Variants in MOCOS observed in about 807,000 individuals in gnomAD.
The protein encoded by MOCOS is molybdenum cofactor sulfurase.
Under a neutral mutation model 83.6 loss-of-function variants are expected in MOCOS, and 86 were observed. That is an observed-to-expected ratio of 1.03 (90% confidence interval 0.86 to 1.23). MOCOS has a LOEUF of 1.23. Among genes scored for constraint, MOCOS ranks in the 50% most tolerant of loss-of-function variants. The pLI is 0.00. For missense variants in MOCOS, 1,120 were observed against 1,126.9 expected (o/e 0.99, Z 0.09); for synonymous variants, 445 against 434.7 (o/e 1.02, Z -0.29).
At chr18:36,243,734 C>T (rs560956633) in intron 9 of MOCOS, among the ~76,000 whole-genome samples, 45 of 152,236 alleles carry the variant, frequency 3.0e-4, no homozygotes, top group Admixed American at 1.2e-3. Flanking sequence ...AGCTGTGAAT[C>T]CATCTGGTCC....
intron 9 of MOCOS, among the ~76,000 whole-genome samples, chr18:36,234,379 A>G (rs1049817558): frequency 1.3e-5 from 2 of 152,042 alleles, no homozygotes; most frequent in South Asian, 2.1e-4. Context: ...ATTCTGTTCC[A>G]TTGGTCTGTG....
At chr18:36,204,780 C>T (rs946132583) in intron 5 of MOCOS, among the ~76,000 whole-genome samples, 29 of 151,984 alleles carry the variant, frequency 1.9e-4, no homozygotes, top group African/African-American at 7.0e-4. Flanking sequence ...ATTACTTGAG[C>T]CCAGGAGCTC....
chr18:36,268,415 C>T, intron 14 of MOCOS, 118 bp from the exon 15 acceptor site: 1 of 1,252,052 alleles, frequency 8.0e-7, no homozygotes, highest in Non-Finnish European at 1.1e-6. Flanking sequence ...GATATCAAGT[C>T]TCAGTATATG....
At chr18:36,262,788 C>T (rs545112261) in intron 13 of MOCOS, among the ~76,000 whole-genome samples, 31 of 152,340 alleles carry the variant, frequency 2.0e-4, no homozygotes, top group African/African-American at 2.6e-4. Context: ...TAGGCCACCA[C>T]GCTTGGCAAT....
At chr18:36,238,966 T>C (rs1197816805) in intron 9 of MOCOS, among the ~76,000 whole-genome samples, 1 of 151,640 alleles carries the variant, frequency 6.6e-6, no homozygotes, top group Non-Finnish European at 1.5e-5. Flanking sequence ...CCCCTGCCTT[T>C]TTTTGTTTTC....
At chr18:36,254,458 C>CTGTGTGTGTGTGTG (rs60813321) in intron 11 of MOCOS, among the ~76,000 whole-genome samples, 2 of 138,866 alleles carry the variant, frequency 1.4e-5, no homozygotes, top group Admixed American at 7.2e-5. Context: ...TACATTATCT[C>CTGTGTGTGTGTGTG]TGTGTGTGTG....
intron 9 of MOCOS, among the ~76,000 whole-genome samples, chr18:36,247,568 C>T: frequency 6.6e-6 from 1 of 152,184 alleles, no homozygotes; most frequent in East Asian, 1.9e-4. Flanking sequence ...CCAGGAGTCC[C>T]TACAGGGCTC....
Position 36,251,265 on chromosome 18 carries a change from A to C in MOCOS, c.2146A>C (p.Lys716Gln). 6.2e-7 allele frequency: 1 copy of C among 1,614,110 alleles called. No individual in the cohort carries two copies. The highest frequency in any genetic ancestry group is 8.5e-7 in the Non-Finnish European group (1 of 1,179,980). Residue 716 changes from lysine (K) to glutamine (Q), a missense_variant, in exon 11 of 15, where the codon AAG becomes CAG. Coordinates refer to ENST00000261326, the MANE Select transcript of MOCOS (RefSeq NM_017947.4). Reference sequence around the variant, plus strand: ...AAGTTCAAACTCTCAAAGGAATGCAAAGAAGAAACATGGAAAAGGTATTAC... The same window carrying C: ...AAGTTCAAACTCTCAAAGGAATGCACAGAAGAAACATGGAAAAGGTATTAC... ...KQSSNSQRNA[K>Q]KKHGKDQLPG...
chr18:36,230,813 C>T (rs2091535111), intron 9 of MOCOS, among the ~76,000 whole-genome samples: 1 of 152,188 alleles, frequency 6.6e-6, no homozygotes, highest in African/African-American at 2.4e-5. Flanking sequence ...ATCTCCCTAC[C>T]AGTTTCAGTG....
chr18:36,229,356 T>G (rs2091529552), intron 9 of MOCOS, among the ~76,000 whole-genome samples: 1 of 152,198 alleles, frequency 6.6e-6, no homozygotes, highest in Non-Finnish European at 1.5e-5. Context: ...CTACAAAATT[T>G]CTGCTGAAAA....
At chr18:36,208,713 G>A (rs536576656) in intron 6 of MOCOS, among the ~76,000 whole-genome samples, 6 of 152,206 alleles carry the variant, frequency 3.9e-5, no homozygotes, top group Admixed American at 6.5e-5. Context: ...GGGATTTTCC[G>A]GGTATAGAAT....
chr18:36,207,696 C>T (rs976323137), intron 6 of MOCOS, among the ~76,000 whole-genome samples: 4 of 151,218 alleles, frequency 2.6e-5, no homozygotes, highest in African/African-American at 4.9e-5. Flanking sequence ...GATATTAGAC[C>T]TTTATTAGAT....
chr18:36,235,812 T>C (rs1490578179), intron 9 of MOCOS, among the ~76,000 whole-genome samples: 2 of 146,550 alleles, frequency 1.4e-5, no homozygotes, highest in African/African-American at 2.5e-5. Context: ...GACTTTTTAA[T>C]GATTGCCATT....
chr18:36,222,582 CATTTTTTTTTTTTAATTTTTTA>C lies in MOCOS; in HGVS notation c.1960+2379_1960+2400del, dbSNP rs564457490. On this transcript the variant is annotated intron_variant, in intron 9 of 14. Coordinates refer to ENST00000261326, the MANE Select transcript of MOCOS (RefSeq NM_017947.4). The stretch of plus-strand genomic sequence containing the variant: ...GAAATACCTATTCAGGTCTTGAACC[CATTTTTTTTTTTTAATTTTTTA>C]ATTTTTTTTTTTTTAGAGACAGAGC... Among the ~76,000 whole-genome samples the C allele has an allele frequency of 5.5e-3, 818 of 149,858 alleles. 12 individuals are homozygous for C. The highest frequency in any genetic ancestry group is 0.018 in the African/African-American group (727 of 41,006).
chr18:36,202,974 A>C (rs1001909099), intron 4 of MOCOS, 139 bp from the exon 5 acceptor site: 1 of 804,518 alleles, frequency 1.2e-6, no homozygotes, highest in African/African-American at 1.7e-5. Flanking sequence ...TTACAATTAG[A>C]GATGAGATTT....
chr18:36,268,517 G>A lies in MOCOS; in HGVS notation c.2515-16G>A, dbSNP rs375507864. ...TAATCTAGCCTTTTTTGTTGTTGTT[G>A]CTGTTTTGTTCACAGGTGAACTTTG... On this transcript the variant is annotated splice_polypyrimidine_tract_variant and intron_variant, in intron 14 of 14. Transcript: ENST00000261326. 10 of 1,613,056 alleles carry A rather than the reference G, an allele frequency of 6.2e-6. No homozygotes were observed. The highest frequency in any genetic ancestry group is 8.5e-6 in the Non-Finnish European group (10 of 1,179,594).
At chr18:36,237,876 A>C (rs1236633986) in intron 9 of MOCOS, among the ~76,000 whole-genome samples, 1 of 150,510 alleles carries the variant, frequency 6.6e-6, no homozygotes, top group East Asian at 1.9e-4. Flanking sequence ...TGTATGTGTC[A>C]AGGAATTTAT....
At chr18:36,252,700 G>T (rs1057503820) in intron 11 of MOCOS, among the ~76,000 whole-genome samples, 4 of 152,180 alleles carry the variant, frequency 2.6e-5, no homozygotes, top group African/African-American at 9.7e-5. Context: ...CTCCAGCCTG[G>T]CTGACAGCAA....
At chr18:36,259,371 G>A (rs186139647) in intron 12 of MOCOS, among the ~76,000 whole-genome samples, 11 of 149,496 alleles carry the variant, frequency 7.4e-5, no homozygotes, top group African/African-American at 2.7e-4. Flanking sequence ...CTTGAGCCTG[G>A]GATCTTGGTC....
Sources: allele counts gnomAD v4.1 joint callset (sites outside exome capture counted in the v4.1 genomes callset), GRCh38; gene constraint gnomAD v4.1.1; transcripts MANE v1.5; gene names NCBI Gene and HGNC (gene_info 2026-07-23, HGNC 2026-07-21).